METTL24: variants seen among roughly 807,000 people sequenced by gnomAD.
METTL24 encodes methyltransferase like 24, also known as probable methyltransferase-like protein 24.
A neutral mutation model predicts 32.7 loss-of-function variants in METTL24; 29 were observed. The observed-to-expected ratio is 0.89, with a 90% CI of 0.66 to 1.21. The LOEUF (loss-of-function observed/expected upper bound fraction) is 1.21, where lower values mean the gene tolerates loss of function less well. METTL24 is among the 50% of genes most tolerant of loss of function. METTL24 has a pLI of 0.00. For synonymous variants in METTL24, 163 were observed against 179.5 expected (o/e 0.91, Z 0.73); for missense variants, 439 against 468.1 (o/e 0.94, Z 0.57).
rs189926891 is a variant in METTL24 at position 110,310,305 on chromosome 6, G to A, written c.557+5037C>T. The stretch of plus-strand genomic sequence containing the variant: ...ACAAAAAATATGTACCTATGTATTA[G>A]CCCTTTTCAAATCTTTCCTCTCATG... On this transcript the variant is annotated intron_variant, in intron 3 of 4. Transcript: ENST00000338882. Among the ~76,000 whole-genome samples the A allele has an allele frequency of 1.2e-3, 177 of 152,242 alleles. 1 individual carries two copies. Among genetic ancestry groups the A allele is most frequent in the African/African-American group, 3.9e-3 (161 of 41,538 alleles).
intron 3 of METTL24, 136 bp downstream of exon 3, chr6:110,315,206 G>T: frequency 9.7e-7 from 1 of 1,030,614 alleles, no homozygotes; most frequent in Non-Finnish European, 1.4e-6. Flanking sequence ...AGACAGATCA[G>T]TCTGAAATGA....
intron 4 of METTL24, among the ~76,000 whole-genome samples, chr6:110,277,854 C>A (rs149267910): frequency 1.0e-3 from 158 of 152,158 alleles, no homozygotes; most frequent in African/African-American, 3.6e-3. Context: ...CTGAACTAAA[C>A]CATGCAAAAC....
In METTL24 at chr6:110,299,158, G is replaced by T. The variant is rs1175768740; in HGVS notation, c.558-8C>A. The T allele has an allele frequency of 7.5e-6, 12 of 1,610,682 alleles. No homozygotes were observed. The highest frequency in any genetic ancestry group is 1.0e-5 in the Non-Finnish European group (12 of 1,178,360). On this transcript the variant is annotated splice_polypyrimidine_tract_variant and splice_region_variant and intron_variant, in intron 3 of 4. Coordinates refer to ENST00000338882, the MANE Select transcript of METTL24 (RefSeq NM_001123364.3). Reference sequence around the variant, plus strand: ...GTATCATCACTTCCTAGCCTATAAAGAAAGAGGACGGAAATCAACAACAAA... The same window carrying T: ...GTATCATCACTTCCTAGCCTATAAATAAAGAGGACGGAAATCAACAACAAA...
intron 1 of METTL24, among the ~76,000 whole-genome samples, chr6:110,329,840 C>G (rs1316519904): frequency 6.6e-6 from 1 of 152,242 alleles, no homozygotes; most frequent in East Asian, 1.9e-4. Flanking sequence ...TCTGGGTAAG[C>G]ACACTCCCAC....
chr6:110,332,693 A>G (rs1241203995), intron 1 of METTL24: 4 of 153,696 alleles, frequency 2.6e-5, no homozygotes, highest in African/African-American at 9.7e-5. Flanking sequence ...GGATCACCTA[A>G]GGCTAGGAGT....
In METTL24 at chr6:110,245,529, A is replaced by C. The variant is rs185348720; in HGVS notation, c.*417T>G. Among the ~76,000 whole-genome samples, 1 of 152,238 alleles carries C rather than the reference A, an allele frequency of 6.6e-6. No homozygotes were observed. The highest frequency in any genetic ancestry group is 1.5e-5 in the Non-Finnish European group (1 of 68,038). On this transcript the variant is annotated 3_prime_UTR_variant, in exon 5 of 5. Coordinates refer to ENST00000338882, the MANE Select transcript of METTL24 (RefSeq NM_001123364.3). ...AGGTAAATAAGAAAAACCTTGAAAA[A>C]GGAGGGTCAAATTCAAATTTAAAAC...
intron 3 of METTL24, among the ~76,000 whole-genome samples, chr6:110,311,581 CT>C (rs775979548): frequency 2.3e-4 from 32 of 141,860 alleles, no homozygotes; most frequent in Middle Eastern, 3.7e-3. Flanking sequence ...TCAAGTGATT[CT>C]CCAGCCTCAG....
intron 3 of METTL24, among the ~76,000 whole-genome samples, chr6:110,310,789 C>G (rs1771707402): frequency 1.3e-5 from 2 of 152,120 alleles, no homozygotes; most frequent in African/African-American, 4.8e-5. Context: ...TGCTTCAGTT[C>G]TTAGAGGTGG....
At chr6:110,273,810 T>C (rs903001438) in intron 4 of METTL24, among the ~76,000 whole-genome samples, 1 of 152,134 alleles carries the variant, frequency 6.6e-6, no homozygotes, top group Non-Finnish European at 1.5e-5. Context: ...TGGAAAACAA[T>C]ATGGAGATTC....
At chr6:110,329,516 T>C (rs1448384239) in intron 1 of METTL24, among the ~76,000 whole-genome samples, 4 of 103,270 alleles carry the variant, frequency 3.9e-5, no homozygotes, top group Admixed American at 1.1e-4. Flanking sequence ...GGGGTGGGAG[T>C]AGTTGGGGGA....
At chr6:110,332,424 A>T (rs1359278523) in intron 1 of METTL24, 1 of 755,278 alleles carries the variant, frequency 1.3e-6, no homozygotes. Flanking sequence ...GGGCAGTAAA[A>T]ACAGAAGCCA....
chr6:110,298,891 T>A, intron 4 of METTL24, 31 bp downstream of exon 4: 4 of 1,594,960 alleles, frequency 2.5e-6, no homozygotes, highest in Non-Finnish European at 3.4e-6. Context: ...GTTTACTTTA[T>A]TCAAGTATAA....
chr6:110,271,394 C>CA (rs1770956866), intron 4 of METTL24, among the ~76,000 whole-genome samples: 1 of 152,298 alleles, frequency 6.6e-6, no homozygotes, highest in Non-Finnish European at 1.5e-5. Flanking sequence ...CTCCCTCGCA[C>CA]AAGCAACCCT....
chr6:110,270,231 G>C (rs1009441079), intron 4 of METTL24, among the ~76,000 whole-genome samples: 14 of 152,004 alleles, frequency 9.2e-5, no homozygotes, highest in African/African-American at 3.4e-4. Context: ...GTGGTGGCTC[G>C]TTTTAAAATT....
At chr6:110,341,469 A>G (rs1158115166) in intron 1 of METTL24, among the ~76,000 whole-genome samples, 1 of 152,234 alleles carries the variant, frequency 6.6e-6, no homozygotes, top group Admixed American at 6.5e-5. Context: ...ATGAATATTC[A>G]CTATTCAAAA....
intron 3 of METTL24, 45 bp from the exon 4 acceptor site, chr6:110,299,195 A>G (rs1192534618): frequency 1.9e-6 from 3 of 1,558,248 alleles, no homozygotes; most frequent in Non-Finnish European, 2.6e-6. Flanking sequence ...AATGCAATGA[A>G]GCAAAGTGTT....
chr6:110,287,447 C>A (rs1254159843), intron 4 of METTL24, among the ~76,000 whole-genome samples: 2 of 152,148 alleles, frequency 1.3e-5, no homozygotes, highest in African/African-American at 2.4e-5. Context: ...CAATTCTGCA[C>A]GATGAAATTG....
intron 4 of METTL24, among the ~76,000 whole-genome samples, chr6:110,256,099 G>A (rs1214604344): frequency 2.0e-5 from 3 of 152,136 alleles, no homozygotes; most frequent in Non-Finnish European, 2.9e-5. Flanking sequence ...TCAAGTGTTA[G>A]AAGCCAGAAA....
Position 110,332,503 on chromosome 6 carries a change from G to A in METTL24, c.319-9631C>T, listed in dbSNP as rs955680429. On this transcript the variant is annotated intron_variant, in intron 1 of 4. Coordinates refer to ENST00000338882, the MANE Select transcript of METTL24 (RefSeq NM_001123364.3). ...TTTCATGAGGTGGAAACTACACAGT[G>A]TCTGCATACGTAGTAAAGTTTCAGA... The A allele has an allele frequency of 2.7e-5, 27 of 982,822 alleles. No individual in the cohort carries two copies. The African/African-American group carries it at 4.7e-4, about 17-fold the overall frequency. 60.9% of individuals were successfully genotyped at this position (982,822 alleles called of 1,614,324 possible). A position where few individuals can be genotyped will look rare whatever the true frequency, so the allele number is the denominator to read the frequency against.
Sources: allele counts gnomAD v4.1 joint callset (sites outside exome capture counted in the v4.1 genomes callset), GRCh38; gene constraint gnomAD v4.1.1; transcripts MANE v1.5; gene names NCBI Gene and HGNC (gene_info 2026-07-23, HGNC 2026-07-21).